Variants in STX19 observed in about 807,000 individuals in gnomAD.
STX19 encodes the protein syntaxin 19.
Under a neutral mutation model 24.3 loss-of-function variants are expected in STX19, and 26 were observed. That is an observed-to-expected ratio of 1.07 (90% confidence interval 0.78 to 1.48). The LOEUF (loss-of-function observed/expected upper bound fraction) is 1.48, where lower values mean the gene tolerates loss of function less well. STX19 is among the 40% of genes most tolerant of loss of function. The pLI, the probability that STX19 is intolerant of heterozygous loss-of-function variation, is 0.00. For synonymous variants in STX19, 116 were observed against 106.9 expected (o/e 1.09, Z -0.52); for missense variants, 367 against 331.9 (o/e 1.11, Z -0.82).
chr3:94,015,422 C>T (rs1457234706), intron 1 of STX19, 140 bp from the exon 2 acceptor site: 3 of 537,698 alleles, frequency 5.6e-6, no homozygotes, highest in Non-Finnish European at 9.2e-6. Context: ...TAGAAAAAAC[C>T]AATGAGTTTC....
rs1166611462 is a variant in STX19 at position 94,028,595 on chromosome 3, A to G, written c.-242T>C. The G allele has an allele frequency of 1.3e-5, 2 of 152,226 alleles. No homozygotes were observed. Among genetic ancestry groups the G allele is most frequent in the African/African-American group, 4.8e-5 (2 of 41,458 alleles). 9.4% of individuals were successfully genotyped at this position (152,226 alleles called of 1,614,324 possible). A position where few individuals can be genotyped will look rare whatever the true frequency, so the allele number is the denominator to read the frequency against. ...TGCTGTTAATAGCAAGTGAAAATAGATTGCTTACTTCACACCTGGAGAATC... is the reference window on the plus strand; with the variant it reads ...TGCTGTTAATAGCAAGTGAAAATAGGTTGCTTACTTCACACCTGGAGAATC... On this transcript the variant is annotated 5_prime_UTR_variant, in exon 1 of 2. Coordinates refer to ENST00000315099, the MANE Select transcript of STX19 (RefSeq NM_001001850.3).
At chr3:94,028,068 A>G (rs1234143686) in intron 1 of STX19, among the ~76,000 whole-genome samples, 2 of 152,202 alleles carry the variant, frequency 1.3e-5, no homozygotes, top group Non-Finnish European at 2.9e-5. Flanking sequence ...CTGTTTTTAC[A>G]TCTGACTTTC....
At chr3:94,025,694 A>T (rs1298725746) in intron 1 of STX19, among the ~76,000 whole-genome samples, 2 of 152,136 alleles carry the variant, frequency 1.3e-5, no homozygotes, top group Non-Finnish European at 2.9e-5. Context: ...CCAACGCCCC[A>T]TGGAGTTTGC....
At chr3:94,015,475 T>C (rs1356122132) in intron 1 of STX19, among the ~76,000 whole-genome samples, 193 bp from the exon 2 acceptor site, 2 of 152,204 alleles carry the variant, frequency 1.3e-5, no homozygotes, top group African/African-American at 4.8e-5. Context: ...ATAAAATAAT[T>C]TGTAAGTTAC....
intron 1 of STX19, among the ~76,000 whole-genome samples, chr3:94,017,888 T>C (rs1287587642): frequency 6.6e-6 from 1 of 152,082 alleles, no homozygotes; most frequent in East Asian, 1.9e-4. Context: ...TAGAAAGGAA[T>C]GAGAGGAGTA....
chr3:94,014,932 A>T lies in STX19; in HGVS notation c.338T>A (p.Val113Asp), dbSNP rs781756913. ...EYINRSLNDLVKEVKKSEVEN... is the reference protein window; with the variant it reads ...EYINRSLNDLDKEVKKSEVEN... ...AACCTCTGACTTTTTAACTTCTTTA[A>T]CTAAATCATTCAAACTTCTGTTGAT... Residue 113 changes from valine (V) to aspartate (D), a missense_variant, in exon 2 of 2, where the codon GTT becomes GAT. Val to Asp is a radical substitution (Grantham distance 152). Transcript: ENST00000315099. 6.2e-7 allele frequency: 1 copy of T among 1,613,596 alleles called. No individual in the cohort carries two copies. Among genetic ancestry groups the T allele is most frequent in the East Asian group, 2.2e-5 (1 of 44,860 alleles).
At chr3:94,026,383 ATCTT>A in intron 1 of STX19, among the ~76,000 whole-genome samples, 1 of 152,222 alleles carries the variant, frequency 6.6e-6, no homozygotes, top group Non-Finnish European at 1.5e-5. Context: ...ACAGTTGCTT[ATCTT>A]TATAGAATTA....
intron 1 of STX19, among the ~76,000 whole-genome samples, chr3:94,016,307 T>G (rs2076332546): frequency 6.6e-6 from 1 of 151,936 alleles, no homozygotes. Flanking sequence ...AAAAAAAAGG[T>G]CTCTGAATGT....
At chr3:94,028,074 C>T (rs2076594789) in intron 1 of STX19, among the ~76,000 whole-genome samples, 3 of 152,204 alleles carry the variant, frequency 2.0e-5, no homozygotes, top group South Asian at 2.1e-4. Flanking sequence ...TTACATCTGA[C>T]TTTCTAGTAT....
At chr3:94,022,094 G>A (rs1293746057) in intron 1 of STX19, among the ~76,000 whole-genome samples, 5 of 151,930 alleles carry the variant, frequency 3.3e-5, no homozygotes, top group African/African-American at 9.7e-5. Context: ...TAATTTGCAT[G>A]TGTAGGTATT....
At chr3:94,025,198 C>G (rs2076529601) in intron 1 of STX19, among the ~76,000 whole-genome samples, 1 of 151,044 alleles carries the variant, frequency 6.6e-6, no homozygotes, top group East Asian at 1.9e-4. Flanking sequence ...TTTAAGGAGC[C>G]CTTTAAAATA....
chr3:94,017,162 A>G (rs2076350997), intron 1 of STX19, among the ~76,000 whole-genome samples: 1 of 152,200 alleles, frequency 6.6e-6, no homozygotes, highest in South Asian at 2.1e-4. Context: ...GGAAAACCAT[A>G]CCAAATGGAG....
chr3:94,025,521 A>G (rs1002517919), intron 1 of STX19, among the ~76,000 whole-genome samples: 4 of 152,158 alleles, frequency 2.6e-5, no homozygotes, highest in Non-Finnish European at 4.4e-5. Flanking sequence ...GTAAATTCCT[A>G]TGTTTGCTGT....
At chr3:94,017,759 A>G (rs2076362306) in intron 1 of STX19, among the ~76,000 whole-genome samples, 1 of 152,186 alleles carries the variant, frequency 6.6e-6, no homozygotes, top group Non-Finnish European at 1.5e-5. Context: ...TTGAGAAGCC[A>G]GGCAGATGAA....
chr3:94,025,490 G>C (rs1041502986), intron 1 of STX19, among the ~76,000 whole-genome samples: 2 of 152,144 alleles, frequency 1.3e-5, no homozygotes, highest in Admixed American at 1.3e-4. Context: ...ACATTATTAG[G>C]TTATTTCTAG....
chr3:94,019,261 A>G (rs990699197), intron 1 of STX19, among the ~76,000 whole-genome samples: 13 of 151,056 alleles, frequency 8.6e-5, no homozygotes, highest in Non-Finnish European at 1.6e-4. Flanking sequence ...CAGTGGCACA[A>G]TCTTGGCTCA....
chr3:94,015,246 T>G lies in STX19; in HGVS notation c.24A>C (p.Leu8=), dbSNP rs2076307094. The change falls in exon 2 of 2, where the codon CTA becomes CTC. Residue 8 remains leucine (L), a synonymous_variant. Coordinates refer to ENST00000315099, the MANE Select transcript of STX19 (RefSeq NM_001001850.3). ...GTTCAATTTCCTTTGTTCTCTGCTT[T>G]AGTTCTTGAAGTCGGTCTTTCATCT... MKDRLQE[L]KQRTKEIELS... The G allele has an allele frequency of 6.4e-7, 1 of 1,555,104 alleles. No homozygotes were observed. The highest frequency in any genetic ancestry group is 8.7e-7 in the Non-Finnish European group (1 of 1,155,248).
intron 1 of STX19, among the ~76,000 whole-genome samples, chr3:94,016,406 C>A (rs949586518): frequency 5.3e-5 from 8 of 152,002 alleles, no homozygotes; most frequent in African/African-American, 1.9e-4. Flanking sequence ...GCATACTTAA[C>A]AAATGTGTAG....
chr3:94,027,086 A>G (rs2076572748), intron 1 of STX19, among the ~76,000 whole-genome samples: 1 of 152,098 alleles, frequency 6.6e-6, no homozygotes, highest in Non-Finnish European at 1.5e-5. Context: ...AAAGTAGGCC[A>G]TTTCTTTTCA....
Sources: allele counts gnomAD v4.1 joint callset (sites outside exome capture counted in the v4.1 genomes callset), GRCh38; gene constraint gnomAD v4.1.1; transcripts MANE v1.5; gene names NCBI Gene and HGNC (gene_info 2026-07-23, HGNC 2026-07-21).